Variants in TP63 observed in about 807,000 individuals in gnomAD.
TP63 encodes the protein tumor protein 63.
TP63 carries 17 observed loss-of-function variants against 82.8 expected under a neutral mutation model. The observed-to-expected ratio is 0.21, with a 90% CI of 0.14 to 0.31. The LOEUF (loss-of-function observed/expected upper bound fraction) is 0.31. Among genes scored for constraint, TP63 ranks in the 10% least tolerant of loss-of-function variants. The pLI, the probability that TP63 is intolerant of heterozygous loss-of-function variation, is 1.00. For missense variants in TP63, 648 were observed against 895.3 expected (o/e 0.72, Z 3.52); for synonymous variants, 330 against 321.7 (o/e 1.03, Z -0.28).
At chr3:189,884,689 G>A (rs1262702451) in intron 10 of TP63, among the ~76,000 whole-genome samples, 1 of 152,298 alleles carries the variant, frequency 6.6e-6, no homozygotes, top group Admixed American at 6.5e-5. Context: ...ATCTATAATT[G>A]TGAGTATTTG....
chr3:189,688,548 CG>C (rs962748880), intron 1 of TP63, among the ~76,000 whole-genome samples: 1 of 152,116 alleles, frequency 6.6e-6, no homozygotes, highest in Non-Finnish European at 1.5e-5. Context: ...CCTGACCTAT[CG>C]TCTCTCAAAA....
At position 189,807,169 on chromosome 3, in the gene TP63, G is replaced by A. The variant is rs1278236254; in HGVS notation, c.325-1103G>A. Among the ~76,000 whole-genome samples, 3 of 152,248 alleles carry A rather than the reference G, an allele frequency of 2.0e-5. No homozygotes were observed. The East Asian group carries it at 5.8e-4, about 29-fold the overall frequency. ...AAAGCAACTGTACCATAAGCTGGTT[G>A]CCCCTTTGTTCATTTTGGCTCAGGT... On this transcript the variant is annotated intron_variant, in intron 3 of 13. Coordinates refer to ENST00000264731, the MANE Select transcript of TP63 (RefSeq NM_003722.5).
intron 1 of TP63, among the ~76,000 whole-genome samples, chr3:189,674,300 A>G (rs1715196747): frequency 1.3e-5 from 2 of 152,130 alleles, no homozygotes; most frequent in South Asian, 2.1e-4. Flanking sequence ...CTAAGTCTGC[A>G]TATCTCCAAA....
intron 3 of TP63, among the ~76,000 whole-genome samples, chr3:189,757,673 T>C (rs73055269): frequency 0.029 from 4,463 of 152,246 alleles, 225 homozygotes; most frequent in African/African-American, 0.1. Context: ...TATTTGAAGA[T>C]ACACTAGTGT....
intron 1 of TP63, among the ~76,000 whole-genome samples, chr3:189,665,645 AG>A (rs2108661156): frequency 6.6e-6 from 1 of 152,214 alleles, no homozygotes; most frequent in Admixed American, 6.5e-5. Flanking sequence ...TTAATTCTGG[AG>A]TCACACTTCA....
intron 3 of TP63, among the ~76,000 whole-genome samples, chr3:189,769,910 ATT>A (rs1723208563): frequency 6.6e-6 from 1 of 152,232 alleles, no homozygotes; most frequent in Non-Finnish European, 1.5e-5. Context: ...AAAGATGAAC[ATT>A]TGTTACCATT....
At chr3:189,670,539 T>A (rs1714799730) in intron 1 of TP63, among the ~76,000 whole-genome samples, 1 of 151,972 alleles carries the variant, frequency 6.6e-6, no homozygotes, top group Non-Finnish European at 1.5e-5. Flanking sequence ...TAAATAAGAA[T>A]CTTCTAAATG....
At chr3:189,637,830 T>G (rs1184775734) in intron 1 of TP63, among the ~76,000 whole-genome samples, 1 of 152,162 alleles carries the variant, frequency 6.6e-6, no homozygotes, top group East Asian at 1.9e-4. Context: ...GAATTAAGGC[T>G]GCTAATCAAC....
rs748185284 is a variant in TP63 at position 189,866,815 on chromosome 3, A to T, written c.882+18A>T. On this transcript the variant is annotated intron_variant, in intron 6 of 13. Coordinates refer to ENST00000264731, the MANE Select transcript of TP63 (RefSeq NM_003722.5). ...CACCCCAGGTAAAAAGCAAAAAACC[A>T]AACCAAAAAACAACACCTCTATGGA... The T allele has an allele frequency of 2.5e-6, 4 of 1,607,518 alleles. No individual in the cohort carries two copies. Among genetic ancestry groups the T allele is most frequent in the Non-Finnish European group, 3.4e-6 (4 of 1,174,026 alleles).
intron 1 of TP63, among the ~76,000 whole-genome samples, chr3:189,670,326 C>T (rs530005148): frequency 5.3e-5 from 8 of 151,946 alleles, no homozygotes; most frequent in African/African-American, 9.7e-5. Context: ...TTGAACCAAT[C>T]GATATTTGTA....
chr3:189,738,727 A>C lies in TP63; in HGVS notation c.277A>C (p.Met93Leu), dbSNP rs2108796850. The C allele has an allele frequency of 2.5e-6, 4 of 1,614,160 alleles. No homozygotes were observed. Among genetic ancestry groups the C allele is most frequent in the Non-Finnish European group, 3.4e-6 (4 of 1,180,022 alleles). ...TGCGACAAACAAGATTGAGATTAGCATGGACTGTATCCGCATGCAGGACTC... is the reference window on the plus strand; with the variant it reads ...TGCGACAAACAAGATTGAGATTAGCCTGGACTGTATCCGCATGCAGGACTC... ...DGATNKIEIS[M>L]DCIRMQDSDL... Residue 93 changes from methionine (M) to leucine (L), a missense_variant, in exon 3 of 14, where the codon ATG becomes CTG. By Grantham distance (15) the Met-to-Leu change is conservative. Transcript: ENST00000264731.
At chr3:189,761,233 T>G (rs1722547335) in intron 3 of TP63, among the ~76,000 whole-genome samples, 1 of 152,236 alleles carries the variant, frequency 6.6e-6, no homozygotes, top group Non-Finnish European at 1.5e-5. Context: ...AAATTGGATT[T>G]TGTTTTCTGT....
At chr3:189,751,984 C>G (rs1386791501) in intron 3 of TP63, among the ~76,000 whole-genome samples, 1 of 151,776 alleles carries the variant, frequency 6.6e-6, no homozygotes, top group Non-Finnish European at 1.5e-5. Flanking sequence ...ACAATGAAAC[C>G]ATTTGGGCCT....
chr3:189,737,462 G>T (rs1262146243), intron 1 of TP63, among the ~76,000 whole-genome samples: 1 of 152,066 alleles, frequency 6.6e-6, no homozygotes, highest in Non-Finnish European at 1.5e-5. Flanking sequence ...GGATAGTGGA[G>T]GTATAGAGCA....
upstream of TP63, among the ~76,000 whole-genome samples, chr3:189,626,922 TTTTG>T (rs10579740): frequency 0.86 from 129,613 of 151,420 alleles, 56,593 homozygotes; most frequent in East Asian, 0.95. Flanking sequence ...CATTTTCATG[TTTTG>T]TTTGTTTGTT....
At chr3:189,881,212 G>A (rs1027337255) in intron 10 of TP63, 8 of 985,242 alleles carry the variant, frequency 8.1e-6, no homozygotes, top group Non-Finnish European at 9.6e-6. Context: ...CCAAGCAGAC[G>A]TGTTAAAATC....
chr3:189,621,578 TACATATAC>T, the TP63 span, among the ~76,000 whole-genome samples: 2 of 50,890 alleles, frequency 3.9e-5, no homozygotes, highest in East Asian at 3.0e-4. Context: ...GTGCAATATA[TACATATAC>T]ACATATACAC....
intron 3 of TP63, among the ~76,000 whole-genome samples, chr3:189,781,976 C>G (rs780149573): frequency 3.3e-5 from 5 of 152,098 alleles, no homozygotes; most frequent in Non-Finnish European, 5.9e-5. Flanking sequence ...TATATAATGA[C>G]ACTAAATCCA....
intron 4 of TP63, among the ~76,000 whole-genome samples, chr3:189,841,716 A>AC (rs1714147475): frequency 6.6e-6 from 1 of 152,210 alleles, no homozygotes; most frequent in African/African-American, 2.4e-5. Context: ...GAATGATGCA[A>AC]CCTTCAGTAG....
Sources: allele counts gnomAD v4.1 joint callset (sites outside exome capture counted in the v4.1 genomes callset), GRCh38; gene constraint gnomAD v4.1.1; transcripts MANE v1.5; gene names NCBI Gene and HGNC (gene_info 2026-07-23, HGNC 2026-07-21).